TMC1: variants seen among roughly 807,000 people sequenced by gnomAD.
TMC1 encodes transmembrane channel-like protein 1.
A neutral mutation model predicts 105.8 loss-of-function variants in TMC1; 84 were observed. That is an observed-to-expected ratio of 0.79 (90% confidence interval 0.67 to 0.95). TMC1 has a LOEUF of 0.95. Among genes scored for constraint, TMC1 ranks in the 40% least tolerant of loss-of-function variants. The pLI, the probability that TMC1 is intolerant of heterozygous loss-of-function variation, is 0.00. For synonymous variants in TMC1, 315 were observed against 311.5 expected, an observed-to-expected ratio of 1.01 and a Z score of -0.12; for missense variants, 817 against 914.1, an observed-to-expected ratio of 0.89 and a Z score of 1.37.
At chr9:72,548,486 A>T (rs1823807717) in intron 1 of TMC1, among the ~76,000 whole-genome samples, 1 of 151,926 alleles carries the variant, frequency 6.6e-6, no homozygotes, top group African/African-American at 2.4e-5. Context: ...AGGCAGGAGA[A>T]CTGCTTCAAT....
rs188564963 is a variant in TMC1 at position 72,734,483 on chromosome 9, C to T, written c.363-5636C>T. On this transcript the variant is annotated intron_variant, in intron 8 of 23. Coordinates refer to ENST00000297784, the MANE Select transcript of TMC1 (RefSeq NM_138691.3). ...GAAAAAAATGTGTTTTGAATAATCA[C>T]TTCCAGTATTTGGGATGATTTTCAA... Among the ~76,000 whole-genome samples the T allele has an allele frequency of 3.9e-5, 6 of 152,136 alleles. No individual in the cohort carries two copies. In the East Asian group the frequency reaches 1.2e-3, roughly 29 times the overall value.
At chr9:72,599,703 G>T (rs1049263223) in intron 2 of TMC1, among the ~76,000 whole-genome samples, 3 of 151,530 alleles carry the variant, frequency 2.0e-5, no homozygotes, top group Admixed American at 6.6e-5. Context: ...CCAGCTACTC[G>T]GGAGGCTGAG....
chr9:72,527,234 C>T (rs751808564), intron 1 of TMC1, among the ~76,000 whole-genome samples: 2 of 152,092 alleles, frequency 1.3e-5, no homozygotes, highest in East Asian at 3.9e-4. Context: ...GCAAATATCT[C>T]GATTCTTTTG....
intron 12 of TMC1, among the ~76,000 whole-genome samples, chr9:72,760,822 G>A (rs1245059608): frequency 6.6e-6 from 1 of 152,162 alleles, no homozygotes; most frequent in Non-Finnish European, 1.5e-5. Context: ...GGTAGGGGAG[G>A]TTGTGAGGAA....
At position 72,700,807 on chromosome 9, in the gene TMC1, A is replaced by G. The variant is rs1039540881; in HGVS notation, c.362+164A>G. 9.8e-5 allele frequency: 26 copies of G among 263,972 alleles called. 4 individuals are homozygous for G. The highest frequency in any genetic ancestry group is 1.8e-4 in the Non-Finnish European group (25 of 138,056). The allele number at this position is 263,972 out of a possible 1,614,324, so 16.4% of individuals were successfully genotyped here. The stretch of plus-strand genomic sequence containing the variant: ...ACACTGTATATATAGTATATGTAAT[A>G]CTATATATATCATTTATATATGACT... On this transcript the variant is annotated intron_variant, in intron 8 of 23. Coordinates refer to ENST00000297784, the MANE Select transcript of TMC1 (RefSeq NM_138691.3).
Position 72,711,230 on chromosome 9 carries a change from G to A in TMC1, c.362+10587G>A, listed in dbSNP as rs12237813. On this transcript the variant is annotated intron_variant, in intron 8 of 23. Coordinates refer to ENST00000297784, the MANE Select transcript of TMC1 (RefSeq NM_138691.3). ...ATGAATAGTGCTGCAGTAAACATAC[G>A]TGTGCATGTGTCTTTACAGTAAAAT... Among the ~76,000 whole-genome samples, 74 of 152,178 alleles carry A rather than the reference G, an allele frequency of 4.9e-4. No individual in the cohort carries two copies. In the East Asian group the frequency reaches 0.01, roughly 21 times the overall value.
At chr9:72,683,612 AT>A (rs1402041296) in intron 5 of TMC1, among the ~76,000 whole-genome samples, 1 of 149,360 alleles carries the variant, frequency 6.7e-6, no homozygotes, top group Non-Finnish European at 1.5e-5. Flanking sequence ...GAGATTTCAC[AT>A]TTTTGTTAAG....
chr9:72,541,688 C>CAAAAAAAA (rs34643140), intron 1 of TMC1, among the ~76,000 whole-genome samples: 1 of 137,694 alleles, frequency 7.3e-6, no homozygotes, highest in African/African-American at 2.6e-5. Context: ...AACTCCATCT[C>CAAAAAAAA]AAAAAAAAAA....
intron 2 of TMC1, among the ~76,000 whole-genome samples, chr9:72,583,533 A>C (rs1357170887): frequency 6.6e-6 from 1 of 152,250 alleles, no homozygotes; most frequent in African/African-American, 2.4e-5. Context: ...TTGCTGACTC[A>C]ACAACTCTAA....
chr9:72,795,810 A>C (rs1417835875), intron 17 of TMC1, among the ~76,000 whole-genome samples: 2 of 152,150 alleles, frequency 1.3e-5, no homozygotes, highest in Admixed American at 1.3e-4. Flanking sequence ...CTAATCTTGA[A>C]TGTAAATGGG....
At chr9:72,805,250 T>C (rs1828552069) in intron 17 of TMC1, 132 bp from the exon 18 acceptor site, 2 of 816,020 alleles carry the variant, frequency 2.5e-6, no homozygotes, top group Admixed American at 4.1e-5. Context: ...ATATGACTAG[T>C]TGTTTTCTTC....
At chr9:72,561,265 C>G (rs1326048270) in intron 1 of TMC1, among the ~76,000 whole-genome samples, 1 of 144,808 alleles carries the variant, frequency 6.9e-6, no homozygotes, top group Non-Finnish European at 1.5e-5. Context: ...TTGCAGTGAG[C>G]CGAGATCGTG....
chr9:72,748,909 T>C (rs1293368525), intron 10 of TMC1, among the ~76,000 whole-genome samples: 9 of 152,222 alleles, frequency 5.9e-5, no homozygotes. Flanking sequence ...GTCTTTCCTA[T>C]AATCGTTCTA....
At chr9:72,692,477 T>G (rs763806868) in intron 6 of TMC1, among the ~76,000 whole-genome samples, 2 of 152,186 alleles carry the variant, frequency 1.3e-5, no homozygotes, top group African/African-American at 2.4e-5. Flanking sequence ...CACATTGTAG[T>G]TGAACTTTTA....
chr9:72,597,760 G>C (rs1363058800), intron 2 of TMC1, among the ~76,000 whole-genome samples: 1 of 152,188 alleles, frequency 6.6e-6, no homozygotes, highest in Non-Finnish European at 1.5e-5. Context: ...ATACAACCCA[G>C]ATGTCAGCAC....
chr9:72,764,650 G>A (rs945260603), intron 12 of TMC1, among the ~76,000 whole-genome samples: 1 of 152,082 alleles, frequency 6.6e-6, no homozygotes, highest in Admixed American at 6.6e-5. Flanking sequence ...TTATTAAAAT[G>A]GGTAGCAGAG....
chr9:72,602,415 C>T (rs1329218691), intron 2 of TMC1, among the ~76,000 whole-genome samples: 1 of 145,714 alleles, frequency 6.9e-6, no homozygotes, highest in Admixed American at 7.0e-5. Flanking sequence ...TGCTCTGTCA[C>T]CCAGGCTGGA....
intron 1 of TMC1, among the ~76,000 whole-genome samples, chr9:72,558,033 A>T (rs1355048917): frequency 6.6e-6 from 1 of 152,186 alleles, no homozygotes; most frequent in Non-Finnish European, 1.5e-5. Context: ...CTTCCCTGGC[A>T]CTGTAAGGGC....
intron 2 of TMC1, among the ~76,000 whole-genome samples, chr9:72,593,380 T>G (rs1046771566): frequency 2.0e-5 from 3 of 151,896 alleles, no homozygotes; most frequent in Non-Finnish European, 4.4e-5. Flanking sequence ...TTTTCTTTTT[T>G]CTTTTCTTTT....
Sources: gnomAD v4.1 joint callset for allele counts (sites outside exome capture counted in the v4.1 genomes callset) on GRCh38, gnomAD v4.1.1 for gene constraint, MANE v1.5 for transcripts, NCBI Gene and HGNC (gene_info 2026-07-23, HGNC 2026-07-21) for gene names.